Variants in GALNT2 observed in about 807,000 individuals in gnomAD.
The protein encoded by GALNT2 is polypeptide N-acetylgalactosaminyltransferase 2, also known as UDP-GalNAc:polypeptide N-acetylgalactosaminyltransferase 2.
GALNT2 carries 31 observed loss-of-function variants against 81.4 expected under a neutral mutation model. That is an observed-to-expected ratio of 0.38 (90% CI 0.29 to 0.51). The LOEUF is 0.51. GALNT2 is among the 20% of genes least tolerant of loss of function. GALNT2 has a pLI of 0.87. For synonymous variants in GALNT2, 303 were observed against 287.4 expected (o/e 1.05, Z -0.55); for missense variants, 629 against 765.7 (o/e 0.82, Z 2.11).
intron 1 of GALNT2, among the ~76,000 whole-genome samples, chr1:230,083,555 G>C (rs898424432): frequency 3.3e-5 from 5 of 152,324 alleles, no homozygotes; most frequent in Middle Eastern, 3.4e-3. Context: ...CAGAGGAAAT[G>C]ATCTGAGAAA....
At chr1:230,099,958 G>C (rs541291063) in intron 1 of GALNT2, among the ~76,000 whole-genome samples, 9 of 152,320 alleles carry the variant, frequency 5.9e-5, no homozygotes, top group Admixed American at 1.3e-4. Flanking sequence ...CAGCACCTGT[G>C]AATAGTTAAT....
intron 3 of GALNT2, among the ~76,000 whole-genome samples, chr1:230,208,089 A>G (rs770445871): frequency 3.3e-5 from 5 of 152,338 alleles, no homozygotes; most frequent in Non-Finnish European, 5.9e-5. Context: ...TTGCTTGGAA[A>G]TTTCAAATAA....
At chr1:230,115,108 C>T (rs1189020057) in intron 1 of GALNT2, among the ~76,000 whole-genome samples, 5 of 150,984 alleles carry the variant, frequency 3.3e-5, no homozygotes, top group African/African-American at 4.9e-5. Flanking sequence ...CGGGTTCAAG[C>T]GATTCTCCTG....
intron 1 of GALNT2, among the ~76,000 whole-genome samples, chr1:230,082,076 G>A (rs1436402834): frequency 6.6e-6 from 1 of 152,234 alleles, no homozygotes; most frequent in Non-Finnish European, 1.5e-5. Flanking sequence ...GGTCAGTGGT[G>A]ACATCAGGTG....
chr1:230,175,621 T>TCTCCCCTCCTCCTCCTCCCCCTCCCC (rs1662953302), intron 1 of GALNT2, among the ~76,000 whole-genome samples: 2 of 60,110 alleles, frequency 3.3e-5, no homozygotes, highest in African/African-American at 1.9e-4. Flanking sequence ...TCCCCCTCCC[T>TCTCCCCTCCTCCTCCTCCCCCTCCCC]CTCCCCTCCT....
intron 2 of GALNT2, among the ~76,000 whole-genome samples, chr1:230,185,450 A>C (rs1663304032): frequency 1.3e-5 from 2 of 152,120 alleles, no homozygotes; most frequent in African/African-American, 4.8e-5. Context: ...AGCTTGCTAT[A>C]GTCCTATGAT....
At chr1:230,199,794 G>A (rs574346831) in intron 2 of GALNT2, among the ~76,000 whole-genome samples, 1 of 152,302 alleles carries the variant, frequency 6.6e-6, no homozygotes, top group East Asian at 1.9e-4. Flanking sequence ...CAAAGGAGGC[G>A]GCAGGGCAGG....
intron 6 of GALNT2, among the ~76,000 whole-genome samples, chr1:230,240,574 A>AG (rs1385245022): frequency 4.6e-5 from 7 of 152,144 alleles, no homozygotes; most frequent in Non-Finnish European, 8.8e-5. Flanking sequence ...CTTGAGTGAC[A>AG]GGGTGAGACT....
At chr1:230,106,915 C>T (rs1364125901) in intron 1 of GALNT2, among the ~76,000 whole-genome samples, 1 of 152,138 alleles carries the variant, frequency 6.6e-6, no homozygotes, top group East Asian at 1.9e-4. Flanking sequence ...TATTATTTCC[C>T]CCATATTTTC....
At chr1:230,259,201 C>T (rs1665804916) in intron 11 of GALNT2, 1 of 152,140 alleles carries the variant, frequency 6.6e-6, no homozygotes, top group Non-Finnish European at 1.5e-5. Context: ...ATGCTTGAGA[C>T]AAGAAATATT....
intron 2 of GALNT2, among the ~76,000 whole-genome samples, chr1:230,188,065 C>T (rs775026589): frequency 1.3e-5 from 2 of 152,124 alleles, no homozygotes; most frequent in Non-Finnish European, 2.9e-5. Flanking sequence ...TGCTAGGGAC[C>T]ACTCTCTCCT....
chr1:230,066,538 T>A (rs1399094897), upstream of GALNT2, among the ~76,000 whole-genome samples: 4 of 152,166 alleles, frequency 2.6e-5, no homozygotes, highest in African/African-American at 9.7e-5. Context: ...CATCTGCCTA[T>A]ATAGATAAAT....
chr1:230,137,743 G>A (rs1013933374), intron 1 of GALNT2, among the ~76,000 whole-genome samples: 8 of 152,188 alleles, frequency 5.3e-5, no homozygotes, highest in African/African-American at 1.7e-4. Flanking sequence ...AGCTACACAC[G>A]TTGAAAAGGA....
intron 1 of GALNT2, among the ~76,000 whole-genome samples, chr1:230,098,991 C>G (rs1331468873): frequency 2.0e-5 from 3 of 152,154 alleles, no homozygotes; most frequent in African/African-American, 7.2e-5. Flanking sequence ...CACGTGCCCC[C>G]CTTTAGATGT....
Position 230,164,521 on chromosome 1 carries a change from C to T in GALNT2, c.127-13697C>T, listed in dbSNP as rs567011379. ...GATCTCTTTCTTGCCCAGGACAGCA[C>T]GGTCTCTGGGCCCTTTTTCTTTTTT... On this transcript the variant is annotated intron_variant, in intron 1 of 15. Transcript: ENST00000366672. 9.0e-4 allele frequency among the ~76,000 whole-genome samples: 33 copies of T among 36,752 alleles called. No homozygotes were observed. The South Asian group carries it at 0.026, about 29-fold the overall frequency. 24.1% of individuals were successfully genotyped at this position (36,752 alleles called of 152,430 possible).
intron 3 of GALNT2, among the ~76,000 whole-genome samples, chr1:230,208,148 CT>C (rs1489393527): frequency 6.6e-6 from 1 of 152,144 alleles, no homozygotes; most frequent in Non-Finnish European, 1.5e-5. Flanking sequence ...TCTGAAGTTT[CT>C]TTTTTGTAGT....
chr1:230,112,783 T>G, intron 1 of GALNT2, among the ~76,000 whole-genome samples: 1 of 73,056 alleles, frequency 1.4e-5, no homozygotes. Flanking sequence ...GGTGGCACAG[T>G]GTGTGTGGCA....
chr1:230,255,382 A>G (rs906200670), intron 11 of GALNT2, 38 bp downstream of exon 11: 7 of 1,613,240 alleles, frequency 4.3e-6, no homozygotes, highest in Non-Finnish European at 5.1e-6. Context: ...CAAAACATTG[A>G]TGACTACCCT....
intron 1 of GALNT2, among the ~76,000 whole-genome samples, chr1:230,140,223 TG>T (rs1486057272): frequency 6.6e-6 from 1 of 152,230 alleles, no homozygotes; most frequent in Non-Finnish European, 1.5e-5. Flanking sequence ...GTTTAGGGGA[TG>T]GCTCACCTCT....
Sources: allele counts gnomAD v4.1 joint callset (sites outside exome capture counted in the v4.1 genomes callset), GRCh38; gene constraint gnomAD v4.1.1; transcripts MANE v1.5; gene names NCBI Gene and HGNC (gene_info 2026-07-23, HGNC 2026-07-21).